Variants in SPATA9 observed in about 807,000 individuals in gnomAD.
The protein encoded by SPATA9 is spermatogenesis associated 9, also known as spermatogenesis-associated protein 9.
A neutral mutation model predicts 25.5 loss-of-function variants in SPATA9; 27 were observed. The observed-to-expected ratio is 1.06, with a 90% CI of 0.78 to 1.46. The LOEUF is 1.46. Ranked by LOEUF, SPATA9 falls within the 40% of genes most tolerant of loss-of-function variation. The pLI is 0.00. For missense variants in SPATA9, 282 were observed against 297.5 expected (o/e 0.95, Z 0.38); for synonymous variants, 102 against 105.7 (o/e 0.97, Z 0.21).
the SPATA9 span, among the ~76,000 whole-genome samples, chr5:95,716,257 G>A: frequency 2.6e-5 from 4 of 152,268 alleles, no homozygotes; most frequent in East Asian, 1.9e-4. Flanking sequence ...GACGCTCAAC[G>A]CCAGCCCATG....
At chr5:95,687,228 TTTG>T (rs1233412469), upstream of SPATA9, among the ~76,000 whole-genome samples, 1 of 152,196 alleles carries the variant, frequency 6.6e-6, no homozygotes, top group Admixed American at 6.5e-5. Context: ...GATTCAGGCC[TTTG>T]TAGAGACTTG....
rs995573565 is a variant in SPATA9, at chr5:95,667,598, A to G, written c.379-3550T>C. Among the ~76,000 whole-genome samples, 9 of 152,148 alleles carry G rather than the reference A, an allele frequency of 5.9e-5. No individual in the cohort carries two copies. In the East Asian group the frequency reaches 1.4e-3, roughly 23 times the overall value. On this transcript the variant is annotated intron_variant, in intron 3 of 4. Coordinates refer to ENST00000274432, the MANE Select transcript of SPATA9 (RefSeq NM_031952.4). ...AGACAAATATACAAGTAGAGAGCAGACTCTCTAGGAGGAAGAAAAGCAGAT... is the reference window on the plus strand; with the variant it reads ...AGACAAATATACAAGTAGAGAGCAGGCTCTCTAGGAGGAAGAAAAGCAGAT...
chr5:95,704,641 A>C, the SPATA9 span, among the ~76,000 whole-genome samples: 1 of 152,166 alleles, frequency 6.6e-6, no homozygotes, highest in Non-Finnish European at 1.5e-5. Flanking sequence ...CTTAAAAATA[A>C]ATAAATAAAT....
At chr5:95,728,957 T>C in the SPATA9 span, among the ~76,000 whole-genome samples, 2 of 152,192 alleles carry the variant, frequency 1.3e-5, no homozygotes, top group Non-Finnish European at 2.9e-5. Context: ...ACCAGCACAA[T>C]GAGTCTACAA....
the SPATA9 span, chr5:95,731,921 C>T: frequency 1.9e-6 from 3 of 1,614,112 alleles, no homozygotes; most frequent in African/African-American, 1.3e-5. Flanking sequence ...AACCGGCCGT[C>T]GGGGCTTATC....
At chr5:95,708,581 G>T in the SPATA9 span, 1 of 696,264 alleles carries the variant, frequency 1.4e-6, no homozygotes, top group East Asian at 2.7e-5. Flanking sequence ...CTAGCGTCAG[G>T]GTGATTCCCA....
At chr5:95,726,888 C>T in the SPATA9 span, among the ~76,000 whole-genome samples, 2 of 152,196 alleles carry the variant, frequency 1.3e-5, no homozygotes, top group Non-Finnish European at 2.9e-5. Context: ...CTTGTATCTG[C>T]CCACTTACTG....
At chr5:95,700,504 C>T (rs530615995), upstream of SPATA9, among the ~76,000 whole-genome samples, 34 of 152,218 alleles carry the variant, frequency 2.2e-4, no homozygotes, top group African/African-American at 5.1e-4. Flanking sequence ...TTCACCACGT[C>T]GGTCAGGCTG....
chr5:95,664,385 AT>A (rs1310095133), intron 3 of SPATA9, among the ~76,000 whole-genome samples: 18 of 152,352 alleles, frequency 1.2e-4, no homozygotes, highest in African/African-American at 3.1e-4. Flanking sequence ...TCATGTAATC[AT>A]TCTTTACTAA....
Position 95,664,057 on chromosome 5 carries a change from A to G in SPATA9, c.379-9T>C. On this transcript the variant is annotated splice_polypyrimidine_tract_variant and intron_variant, in intron 3 of 4. Transcript: ENST00000274432. ...AAAGAACCCTTTCTGACCTGCAAAAACAGAAAAGATTTTCTTAATAAACAA... is the reference window on the plus strand; with the variant it reads ...AAAGAACCCTTTCTGACCTGCAAAAGCAGAAAAGATTTTCTTAATAAACAA... 6.6e-7 allele frequency: 1 copy of G among 1,513,604 alleles called. No individual in the cohort carries two copies. The highest frequency in any genetic ancestry group is 2.3e-5 in the East Asian group (1 of 43,126). The allele number at this position is 1,513,604 out of a possible 1,614,324, so 93.8% of individuals were successfully genotyped here.
At chr5:95,731,648 C>T in the SPATA9 span, 4 of 1,612,818 alleles carry the variant, frequency 2.5e-6, no homozygotes, top group East Asian at 2.2e-5. Context: ...CGCTGCTTTT[C>T]TCCGAGTCGC....
At chr5:95,667,525 GAATC>G (rs1425138439) in intron 3 of SPATA9, among the ~76,000 whole-genome samples, 1 of 152,102 alleles carries the variant, frequency 6.6e-6, no homozygotes, top group Non-Finnish European at 1.5e-5. Context: ...TCTCTAGAAA[GAATC>G]AAATTGATAG....
intron 8 of SPATA9, chr5:95,653,244 C>A: frequency 6.4e-7 from 1 of 1,551,022 alleles, no homozygotes. Context: ...TCATTCATAC[C>A]CACCTTCTCT....
intron 3 of SPATA9, among the ~76,000 whole-genome samples, chr5:95,671,559 G>T (rs1267815577): frequency 6.6e-6 from 1 of 152,106 alleles, no homozygotes; most frequent in African/African-American, 2.4e-5. Context: ...ACAGGTGCCT[G>T]CCATCACGCC....
chr5:95,700,679 G>C (rs970243231), upstream of SPATA9, among the ~76,000 whole-genome samples: 1 of 151,682 alleles, frequency 6.6e-6, no homozygotes, highest in Admixed American at 6.6e-5. Flanking sequence ...TGCCCACCTC[G>C]GCCTCCCAAA....
chr5:95,687,809 C>A (rs144319667), upstream of SPATA9, among the ~76,000 whole-genome samples: 5 of 152,140 alleles, frequency 3.3e-5, no homozygotes, highest in East Asian at 9.6e-4. Flanking sequence ...TGTCTGTTTC[C>A]CCTATCAGAT....
upstream of SPATA9, chr5:95,684,727 T>C (rs1033720138): frequency 2.6e-5 from 4 of 152,236 alleles, no homozygotes; most frequent in African/African-American, 9.6e-5. Context: ...ATGCCAATAA[T>C]CTTATGCATC....
chr5:95,711,799 A>G, the SPATA9 span, among the ~76,000 whole-genome samples: 24 of 152,352 alleles, frequency 1.6e-4, no homozygotes, highest in East Asian at 3.9e-4. Context: ...GAACGGAGCC[A>G]TGGAGGAGGA....
chr5:95,696,250 T>C (rs1336899817), intron 1 of SPATA9, among the ~76,000 whole-genome samples: 1 of 151,978 alleles, frequency 6.6e-6, no homozygotes, highest in Non-Finnish European at 1.5e-5. Flanking sequence ...CTAAATCTTG[T>C]GGTAATTTTT....
Sources: allele counts gnomAD v4.1 joint callset (sites outside exome capture counted in the v4.1 genomes callset), GRCh38; gene constraint gnomAD v4.1.1; transcripts MANE v1.5; gene names NCBI Gene and HGNC (gene_info 2026-07-23, HGNC 2026-07-21).